COL21A1: variants seen among roughly 807,000 people sequenced by gnomAD.
COL21A1 encodes the protein collagen alpha-1(XXI) chain.
A neutral mutation model predicts 137.9 loss-of-function variants in COL21A1; 149 were observed. That is an observed-to-expected ratio of 1.08 (90% CI 0.95 to 1.24). The LOEUF (loss-of-function observed/expected upper bound fraction) is 1.24, where lower values mean the gene tolerates loss of function less well. Ranked by LOEUF, COL21A1 falls within the 50% of genes most tolerant of loss-of-function variation. COL21A1 has a pLI of 0.00. For synonymous variants in COL21A1, 456 were observed against 391.5 expected, an observed-to-expected ratio of 1.16 and a Z score of -1.95; for missense variants, 1,167 against 1,158.4, an observed-to-expected ratio of 1.01 and a Z score of -0.11.
chr6:56,348,517 T>C (rs1765642473), intron 1 of COL21A1, among the ~76,000 whole-genome samples: 1 of 152,148 alleles, frequency 6.6e-6, no homozygotes, highest in Non-Finnish European at 1.5e-5. Context: ...GTAAGATTTC[T>C]GGTAAAATGA....
At chr6:56,097,954 AAAATATATAT>A (rs1562188832) in intron 17 of COL21A1, among the ~76,000 whole-genome samples, 2 of 69,254 alleles carry the variant, frequency 2.9e-5, no homozygotes, top group Non-Finnish European at 4.7e-5. Context: ...TATAAATATA[AAAATATATAT>A]AAATATATAA....
At chr6:56,203,245 G>A (rs1438666900) in intron 1 of COL21A1, among the ~76,000 whole-genome samples, 1 of 152,176 alleles carries the variant, frequency 6.6e-6, no homozygotes, top group Non-Finnish European at 1.5e-5. Flanking sequence ...GTCAAGTGAT[G>A]TGAGTTCCAG....
intron 1 of COL21A1, among the ~76,000 whole-genome samples, chr6:56,355,910 A>C (rs906767956): frequency 2.7e-4 from 41 of 152,200 alleles, no homozygotes; most frequent in African/African-American, 9.9e-4. Flanking sequence ...TCTCCTAAAC[A>C]TATATGCCCT....
intron 6 of COL21A1, 113 bp from the exon 7 acceptor site, chr6:56,167,096 A>T: frequency 1.4e-6 from 1 of 729,260 alleles, no homozygotes; most frequent in South Asian, 1.7e-5. Context: ...TAAGGTTTAC[A>T]TCACAGCATT....
At chr6:56,125,741 A>G (rs1773004931) in intron 13 of COL21A1, 121 bp from the exon 14 acceptor site, 1 of 648,186 alleles carries the variant, frequency 1.5e-6, no homozygotes, top group South Asian at 3.3e-5. Flanking sequence ...AATAGAAATA[A>G]AATAATTTAA....
chr6:56,325,040 G>A (rs11965828), intron 1 of COL21A1, among the ~76,000 whole-genome samples: 32,231 of 149,830 alleles, frequency 0.22, 4,729 homozygotes, highest in East Asian at 0.65. Context: ...CCCTTTTTGC[G>A]CTATCCTGTT....
chr6:56,115,043 T>A (rs1561879616), intron 16 of COL21A1, among the ~76,000 whole-genome samples: 1 of 151,544 alleles, frequency 6.6e-6, no homozygotes, highest in Non-Finnish European at 1.5e-5. Context: ...CAGTAAACTA[T>A]CGCAAGAACA....
At chr6:56,298,720 T>C (rs549480510) in intron 1 of COL21A1, among the ~76,000 whole-genome samples, 1 of 152,236 alleles carries the variant, frequency 6.6e-6, no homozygotes, top group African/African-American at 2.4e-5. Context: ...GCAAGTATTC[T>C]TGCTCAGCAC....
At chr6:56,271,110 G>A (rs1763515701) in intron 1 of COL21A1, among the ~76,000 whole-genome samples, 1 of 152,154 alleles carries the variant, frequency 6.6e-6, no homozygotes, top group South Asian at 2.1e-4. Flanking sequence ...GTAAGATGAG[G>A]GAAAGTTTGG....
At chr6:56,260,759 T>A (rs931574176) in intron 1 of COL21A1, among the ~76,000 whole-genome samples, 1 of 150,354 alleles carries the variant, frequency 6.7e-6, no homozygotes, top group African/African-American at 2.4e-5. Flanking sequence ...AAGGAATCAA[T>A]CTTGGGGGAA....
At chr6:56,336,780 G>A (rs764820978) in intron 1 of COL21A1, among the ~76,000 whole-genome samples, 1 of 152,194 alleles carries the variant, frequency 6.6e-6, no homozygotes, top group African/African-American at 2.4e-5. Context: ...TCACTGCTCT[G>A]TGATTTAGGT....
intron 1 of COL21A1, among the ~76,000 whole-genome samples, chr6:56,191,625 A>G (rs961272407): frequency 6.6e-6 from 1 of 151,774 alleles, no homozygotes; most frequent in African/African-American, 2.4e-5. Context: ...GAGCCAAATC[A>G]TGAGTGAACT....
chr6:56,138,734 A>G (rs755018329), intron 12 of COL21A1, among the ~76,000 whole-genome samples: 1 of 152,086 alleles, frequency 6.6e-6, no homozygotes, highest in African/African-American at 2.4e-5. Flanking sequence ...CAGAGAGAGA[A>G]ATGGCAGTGA....
chr6:56,108,405 A>G (rs1771137309), intron 16 of COL21A1, among the ~76,000 whole-genome samples: 1 of 152,046 alleles, frequency 6.6e-6, no homozygotes. Flanking sequence ...TAGACAATAG[A>G]AGGATGGGCG....
chr6:56,259,506 T>C (rs1763200909), intron 1 of COL21A1, among the ~76,000 whole-genome samples: 1 of 152,248 alleles, frequency 6.6e-6, no homozygotes, highest in African/African-American at 2.4e-5. Context: ...GTTTTCAGTA[T>C]TTATGAGACA....
chr6:56,088,223 G>T lies in COL21A1; in HGVS notation c.1813-10650C>A, dbSNP rs551295342. Among the ~76,000 whole-genome samples the T allele has an allele frequency of 9.9e-5, 15 of 152,182 alleles. No individual in the cohort carries two copies. In the South Asian group the frequency reaches 3.1e-3, roughly 32 times the overall value. The stretch of plus-strand genomic sequence containing the variant: ...TACTAAAAATACAAAAATTAGCTGG[G>T]CATGGTGGCACATGCCTATAATCTC... On this transcript the variant is annotated intron_variant, in intron 17 of 29. Transcript: ENST00000244728.
chr6:56,301,996 G>C (rs1419858415), intron 1 of COL21A1, among the ~76,000 whole-genome samples: 1 of 151,928 alleles, frequency 6.6e-6, no homozygotes, highest in Non-Finnish European at 1.5e-5. Flanking sequence ...TTTTGTCCTT[G>C]TGATAGTTTG....
chr6:56,344,346 G>A (rs1044306339), intron 1 of COL21A1, among the ~76,000 whole-genome samples: 2 of 151,972 alleles, frequency 1.3e-5, no homozygotes, highest in East Asian at 3.8e-4. Context: ...TTTCTTTCAT[G>A]ATAATGCTAT....
chr6:56,080,706 T>A (rs1767677432), intron 17 of COL21A1, among the ~76,000 whole-genome samples: 1 of 151,858 alleles, frequency 6.6e-6, no homozygotes, highest in Non-Finnish European at 1.5e-5. Context: ...TTATGTCAAA[T>A]TATCTACCTT....
Sources: gnomAD v4.1 joint callset for allele counts (sites outside exome capture counted in the v4.1 genomes callset) on GRCh38, gnomAD v4.1.1 for gene constraint, MANE v1.5 for transcripts, NCBI Gene and HGNC (gene_info 2026-07-23, HGNC 2026-07-21) for gene names.